The following GALNT16 variants were observed in gnomAD, a reference collection of about 807,000 sequenced individuals.
GALNT16 encodes the protein polypeptide N-acetylgalactosaminyltransferase 16.
Under a neutral mutation model 76.1 loss-of-function variants are expected in GALNT16, and 40 were observed. The observed-to-expected ratio is 0.53, with a 90% CI of 0.41 to 0.68. The LOEUF (loss-of-function observed/expected upper bound fraction) is 0.68. GALNT16 is among the 30% of genes least tolerant of loss of function. GALNT16 has a pLI of 0.00. For synonymous variants in GALNT16, 276 were observed against 285.2 expected (o/e 0.97, Z 0.32); for missense variants, 621 against 731.9 (o/e 0.85, Z 1.75).
intron 1 of GALNT16, among the ~76,000 whole-genome samples, chr14:69,298,309 T>C (rs2044796941): frequency 6.6e-6 from 1 of 152,172 alleles, no homozygotes; most frequent in Admixed American, 6.5e-5. Flanking sequence ...TGTGGCCCTC[T>C]CTCTGCCCCT....
downstream of GALNT16, among the ~76,000 whole-genome samples, chr14:69,360,611 A>C: frequency 6.6e-6 from 1 of 151,672 alleles, no homozygotes; most frequent in East Asian, 1.9e-4. Flanking sequence ...GTCTAAAAAA[A>C]AAAGAAGAAG....
At chr14:69,381,897 C>T in the GALNT16 span, among the ~76,000 whole-genome samples, 1 of 152,202 alleles carries the variant, frequency 6.6e-6, no homozygotes, top group Non-Finnish European at 1.5e-5. Flanking sequence ...ACTATGTTGG[C>T]CAGGTTGGTC....
chr14:69,269,380 C>CGT (rs113574682), intron 1 of GALNT16, among the ~76,000 whole-genome samples: 110,177 of 149,630 alleles, frequency 0.74, 42,163 homozygotes, highest in East Asian at 1. Flanking sequence ...ATGGGGCGCA[C>CGT]GTGTGTGTGT....
At chr14:69,357,684 C>G (rs931658779), downstream of GALNT16, 1 of 152,236 alleles carries the variant, frequency 6.6e-6, no homozygotes, top group African/African-American at 2.4e-5. Context: ...TCCCCTCAAG[C>G]CATCTGAAAA....
At chr14:69,275,532 TGC>T (rs1165373021) in intron 1 of GALNT16, among the ~76,000 whole-genome samples, 1 of 152,228 alleles carries the variant, frequency 6.6e-6, no homozygotes, top group Non-Finnish European at 1.5e-5. Flanking sequence ...TGTGTGTGTG[TGC>T]GCATGCGCAC....
chr14:69,371,372 G>C, the GALNT16 span, among the ~76,000 whole-genome samples: 1 of 151,858 alleles, frequency 6.6e-6, no homozygotes, highest in African/African-American at 2.4e-5. Context: ...TCCTGCCTCA[G>C]CTTCCCGAGT....
At chr14:69,310,693 T>C (rs1404181044) in intron 1 of GALNT16, among the ~76,000 whole-genome samples, 2 of 152,208 alleles carry the variant, frequency 1.3e-5, no homozygotes, top group Non-Finnish European at 2.9e-5. Context: ...TGTCTCTGTT[T>C]TCTGATGGAA....
chr14:69,286,865 A>G (rs1235903986), intron 1 of GALNT16, among the ~76,000 whole-genome samples: 1 of 152,192 alleles, frequency 6.6e-6, no homozygotes, highest in Admixed American at 6.5e-5. Flanking sequence ...GAAAAATTTT[A>G]TAATAAAATG....
chr14:69,383,283 A>G, the GALNT16 span, among the ~76,000 whole-genome samples: 4 of 152,252 alleles, frequency 2.6e-5, no homozygotes, highest in East Asian at 7.7e-4. Context: ...GTCATGTTAC[A>G]AAGTAGAATC....
At chr14:69,336,030 T>A (rs2045411232) in intron 9 of GALNT16, among the ~76,000 whole-genome samples, 1 of 152,172 alleles carries the variant, frequency 6.6e-6, no homozygotes. Flanking sequence ...ACAGGGTATC[T>A]GCCTTTCCCT....
At chr14:69,341,348 C>A (rs2045482383) in intron 11 of GALNT16, among the ~76,000 whole-genome samples, 1 of 152,196 alleles carries the variant, frequency 6.6e-6, no homozygotes, top group South Asian at 2.1e-4. Context: ...ATTAATTCTG[C>A]AAAGATAAAG....
intron 1 of GALNT16, among the ~76,000 whole-genome samples, chr14:69,284,833 T>C (rs187558035): frequency 6.6e-6 from 1 of 152,166 alleles, no homozygotes; most frequent in South Asian, 2.1e-4. Flanking sequence ...GTTCTCTTGA[T>C]AGCAAGTGAG....
At chr14:69,340,964 A>G (rs2045478354) in intron 11 of GALNT16, among the ~76,000 whole-genome samples, 4 of 152,216 alleles carry the variant, frequency 2.6e-5, no homozygotes, top group Admixed American at 2.0e-4. Context: ...TGATCAATGA[A>G]TCTTCTCCCT....
chr14:69,320,487 CAAAAAAAAGAA>C (rs1016933647), intron 1 of GALNT16, among the ~76,000 whole-genome samples: 173 of 122,322 alleles, frequency 1.4e-3, no homozygotes, highest in African/African-American at 4.4e-3. Flanking sequence ...GACCCTGTGT[CAAAAAAAAGAA>C]AAAAAAAAGA....
intron 2 of GALNT16, among the ~76,000 whole-genome samples, chr14:69,322,529 TGAGAC>T (rs1477359559): frequency 2.0e-5 from 3 of 152,236 alleles, no homozygotes; most frequent in Non-Finnish European, 4.4e-5. Flanking sequence ...CATTTTTAAA[TGAGAC>T]GCTTTAAATC....
chr14:69,298,721 G>C (rs763396493), intron 1 of GALNT16: 13 of 152,352 alleles, frequency 8.5e-5, no homozygotes, highest in Non-Finnish European at 1.8e-4. Flanking sequence ...GCCAGATCTG[G>C]GGGCCTAGTG....
the GALNT16 span, among the ~76,000 whole-genome samples, chr14:69,377,808 A>T: frequency 1.6e-5 from 1 of 62,220 alleles, no homozygotes; most frequent in African/African-American, 5.7e-5. Flanking sequence ...CTGTCTCAAA[A>T]AAAAAAAAAA....
rs2045215691 is a variant in GALNT16 at position 69,322,962 on chromosome 14, GTGTGTGTGTGTGTGTGTGTGCGCGCGCA to G, written c.336-1729_336-1702del. On this transcript the variant is annotated intron_variant, in intron 2 of 14. Transcript: ENST00000448469. ...TGTGTGTGTGTGTGTGTGTGTGTGTGTGTGTGTGTGTGTGTGTGTGCGCGCGCACGCGCGCACGCATGCACACGTGTAG... is the reference window on the plus strand; with the variant it reads ...TGTGTGTGTGTGTGTGTGTGTGTGTGCGCGCGCACGCATGCACACGTGTAG... Among the ~76,000 whole-genome samples, 5 of 73,680 alleles carry G rather than the reference GTGTGTGTGTGTGTGTGTGTGCGCGCGCA, an allele frequency of 6.8e-5. No homozygotes were observed. In the East Asian group the frequency reaches 2.9e-3, roughly 43 times the overall value. The allele number at this position is 73,680 out of a possible 152,430, so 48.3% of individuals were successfully genotyped here.
At chr14:69,360,393 T>G (rs1416610709), downstream of GALNT16, among the ~76,000 whole-genome samples, 1 of 150,670 alleles carries the variant, frequency 6.6e-6, no homozygotes, top group African/African-American at 2.4e-5. Context: ...ATTAGGAGAC[T>G]GAGACAGGTG....
Sources: gnomAD v4.1 joint callset for allele counts (sites outside exome capture counted in the v4.1 genomes callset) on GRCh38, gnomAD v4.1.1 for gene constraint, MANE v1.5 for transcripts, NCBI Gene and HGNC (gene_info 2026-07-23, HGNC 2026-07-21) for gene names.